The following NR2C2 variants were observed in gnomAD, a reference collection of about 807,000 sequenced individuals.
The protein encoded by NR2C2 is nuclear receptor subfamily 2 group C member 2.
A neutral mutation model predicts 62.9 loss-of-function variants in NR2C2; 6 were observed. The ratio of observed to expected loss-of-function variants is 0.10; its 90% CI spans 0.05 to 0.19. NR2C2 has a LOEUF of 0.19. Among genes scored for constraint, NR2C2 ranks in the 10% least tolerant of loss-of-function variants. The probability of loss-of-function intolerance (pLI) is 1.00; values close to 1 mark genes in which losing one functional copy is unlikely to be tolerated. For missense variants in NR2C2, 479 were observed against 762.7 expected, an observed-to-expected ratio of 0.63 and a Z score of 4.38; for synonymous variants, 272 against 273.8, an observed-to-expected ratio of 0.99 and a Z score of 0.07.
intron 1 of NR2C2, among the ~76,000 whole-genome samples, chr3:14,957,590 T>A (rs967551101): frequency 1.3e-5 from 2 of 152,352 alleles, no homozygotes; most frequent in South Asian, 2.1e-4. Context: ...TACAATTTTT[T>A]ATTTTTTTAG....
chr3:15,034,643 C>T, intron 10 of NR2C2, 27 bp from the exon 11 acceptor site: 1 of 1,609,932 alleles, frequency 6.2e-7, no homozygotes, highest in Non-Finnish European at 8.5e-7. Context: ...ACACACACCA[C>T]ACTCAGACTC....
chr3:14,968,329 T>C (rs1344809472), intron 1 of NR2C2, among the ~76,000 whole-genome samples: 1 of 152,094 alleles, frequency 6.6e-6, no homozygotes, highest in Non-Finnish European at 1.5e-5. Context: ...GCAAAGGACA[T>C]GAACAGACAC....
intron 11 of NR2C2, 43 bp downstream of exon 11, chr3:15,034,852 C>G: frequency 6.4e-7 from 1 of 1,555,570 alleles, no homozygotes; most frequent in South Asian, 1.2e-5. Flanking sequence ...CTTGGTTCAG[C>G]CTGGTGGCCA....
At chr3:14,982,338 T>A (rs747484139) in intron 1 of NR2C2, among the ~76,000 whole-genome samples, 2 of 152,196 alleles carry the variant, frequency 1.3e-5, no homozygotes, top group Non-Finnish European at 2.9e-5. Context: ...CATTCTAAAT[T>A]TTTAAATTAG....
At chr3:14,950,527 C>T (rs1048168207) in intron 1 of NR2C2, among the ~76,000 whole-genome samples, 1 of 149,854 alleles carries the variant, frequency 6.7e-6, no homozygotes, top group Non-Finnish European at 1.5e-5. Flanking sequence ...ACAGTGTAAG[C>T]TTACCCCCCA....
chr3:14,948,253 T>TATCCTCCTC (rs971618914), intron 1 of NR2C2: 3 of 152,566 alleles, frequency 2.0e-5, no homozygotes, highest in African/African-American at 7.2e-5. Context: ...CCTTCCTCCT[T>TATCCTCCTC]ATCCTCCTCC....
Position 15,032,496 on chromosome 3 carries a change from C to T in NR2C2, c.1228C>T (p.Leu410Phe). Residue 410 changes from leucine (L) to phenylalanine (F), a missense_variant, in exon 10 of 14, where the codon CTT (leucine) becomes TTT (phenylalanine). This residue lies in a region of NR2C2 where 162 missense variants were observed against 296.8 expected (regional missense o/e 0.55). Transcript: ENST00000425241. ...TCGGTCAATCCCAGCCTTTCAGGCA[C>T]TTGGGTAAGTGGCCTCTTGCTGTGC... ...WARSIPAFQA[L>F]GQDCNTSLVR... The T allele has an allele frequency of 6.2e-7, 1 of 1,614,214 alleles. No homozygotes were observed. The highest frequency in any genetic ancestry group is 2.2e-5 in the East Asian group (1 of 44,882).
At chr3:14,987,233 C>A (rs1388169177) in intron 1 of NR2C2, among the ~76,000 whole-genome samples, 1 of 152,156 alleles carries the variant, frequency 6.6e-6, no homozygotes, top group Non-Finnish European at 1.5e-5. Context: ...CAGGCACATG[C>A]CACCACACCC....
intron 2 of NR2C2, among the ~76,000 whole-genome samples, chr3:15,006,847 C>G (rs987100422): frequency 1.3e-5 from 2 of 150,954 alleles, no homozygotes; most frequent in African/African-American, 4.9e-5. Context: ...ACAGTGTTGG[C>G]TCACTGCAAC....
chr3:15,040,745 A>G (rs998107948), intron 13 of NR2C2, among the ~76,000 whole-genome samples: 1 of 152,250 alleles, frequency 6.6e-6, no homozygotes, highest in Admixed American at 6.5e-5. Context: ...GAATCATTGA[A>G]GACTTCATCA....
chr3:14,958,735 T>C (rs2039600885), intron 1 of NR2C2, among the ~76,000 whole-genome samples: 1 of 152,252 alleles, frequency 6.6e-6, no homozygotes, highest in African/African-American at 2.4e-5. Context: ...CCCAGCACTT[T>C]GGAAGGCTGA....
chr3:14,955,977 C>A (rs1260231358), intron 1 of NR2C2, among the ~76,000 whole-genome samples: 1 of 152,214 alleles, frequency 6.6e-6, no homozygotes, highest in Non-Finnish European at 1.5e-5. Flanking sequence ...ATATACATAT[C>A]ATTGCTGCAC....
intron 8 of NR2C2, among the ~76,000 whole-genome samples, chr3:15,029,987 T>TA (rs1030411432): frequency 6.6e-6 from 1 of 151,938 alleles, no homozygotes; most frequent in African/African-American, 2.4e-5. Flanking sequence ...AGTTAGATAA[T>TA]ACATAGCTCA....
chr3:14,964,253 A>G (rs2039772523), intron 1 of NR2C2, among the ~76,000 whole-genome samples: 1 of 152,246 alleles, frequency 6.6e-6, no homozygotes, highest in Admixed American at 6.5e-5. Context: ...AATGTGAGCT[A>G]TACATACTTT....
At chr3:15,024,764 T>C (rs1575021596) in intron 7 of NR2C2, among the ~76,000 whole-genome samples, 1 of 152,216 alleles carries the variant, frequency 6.6e-6, no homozygotes, top group Admixed American at 6.5e-5. Flanking sequence ...ACTCACTGTT[T>C]GTCTCATCCT....
intron 2 of NR2C2, among the ~76,000 whole-genome samples, chr3:15,012,945 C>T (rs957053316): frequency 4.6e-5 from 7 of 152,188 alleles, no homozygotes; most frequent in African/African-American, 1.7e-4. Flanking sequence ...GTGCCCACTT[C>T]CTTCGGTGCA....
At chr3:15,024,283 A>G (rs982740994) in intron 7 of NR2C2, 75 bp downstream of exon 7, 79 of 978,702 alleles carry the variant, frequency 8.1e-5, no homozygotes, top group Non-Finnish European at 1.2e-4. Context: ...TGTGTGCACC[A>G]CTTTCTTCCT....
At chr3:15,000,895 A>G (rs748984593) in intron 1 of NR2C2, among the ~76,000 whole-genome samples, 11 of 150,680 alleles carry the variant, frequency 7.3e-5, no homozygotes, top group Admixed American at 2.0e-4. Flanking sequence ...GCTCACTGCA[A>G]GCTCTGCCTC....
At position 14,961,550 on chromosome 3, in the gene NR2C2, A is replaced by G. The variant is rs140191062; in HGVS notation, c.-40+13644A>G. ...AATGTCCAGAAATTGGGTCTAGATT[A>G]TACTGAATTCTTTGTGGTAGAGCCT... On this transcript the variant is annotated intron_variant, in intron 1 of 13. Transcript: ENST00000425241. 4.6e-3 allele frequency among the ~76,000 whole-genome samples: 699 copies of G among 152,332 alleles called. 3 individuals are homozygous for G. Among genetic ancestry groups the G allele is most frequent in the African/African-American group, 0.016 (674 of 41,570 alleles).
Sources: allele counts gnomAD v4.1 joint callset (sites outside exome capture counted in the v4.1 genomes callset), GRCh38; gene constraint gnomAD v4.1.1; regional missense constraint gnomAD v4.1.1; transcripts MANE v1.5; gene names NCBI Gene and HGNC (gene_info 2026-07-23, HGNC 2026-07-21).